The following PKHD1 variants were observed in gnomAD, a reference collection of about 807,000 sequenced individuals.
The protein encoded by PKHD1 is fibrocystin.
Under a neutral mutation model 412.0 loss-of-function variants are expected in PKHD1, and 291 were observed. That is an observed-to-expected ratio of 0.71 (90% CI 0.64 to 0.78). PKHD1 has a LOEUF of 0.78. Ranked by LOEUF, PKHD1 falls within the 30% of genes least tolerant of loss-of-function variation. The pLI, the probability that PKHD1 is intolerant of heterozygous loss-of-function variation, is 0.00. For missense variants in PKHD1, 4,825 were observed against 4,950.7 expected (o/e 0.97, Z 0.76); for synonymous variants, 1,777 against 1,821.5 (o/e 0.98, Z 0.62).
intron 49 of PKHD1, among the ~76,000 whole-genome samples, chr6:51,852,742 T>C (rs1439520331): frequency 6.6e-6 from 1 of 152,104 alleles, no homozygotes; most frequent in East Asian, 1.9e-4. Context: ...GTTTTTTTTT[T>C]TTTCTTTCCA....
At chr6:52,050,488 G>A (rs1178311745) in intron 21 of PKHD1, among the ~76,000 whole-genome samples, 193 bp from the exon 22 acceptor site, 1 of 152,210 alleles carries the variant, frequency 6.6e-6, no homozygotes, top group Non-Finnish European at 1.5e-5. Flanking sequence ...GTACAAAAAG[G>A]AAAGTGCAAG....
At position 51,831,207 on chromosome 6, in the gene PKHD1, A is replaced by G. The variant is rs373202451; in HGVS notation, c.8174-218T>C. On this transcript the variant is annotated intron_variant, in intron 51 of 66. Transcript: ENST00000371117. The stretch of plus-strand genomic sequence containing the variant: ...AAAAAAATCCCACTTTTGTTATTAT[A>G]CATCTGTTTTGCCTTATAATAAATA... Among the ~76,000 whole-genome samples, 100 of 152,270 alleles carry G rather than the reference A, an allele frequency of 6.6e-4. 1 individual carries two copies. The highest frequency in any genetic ancestry group is 2.0e-3 in the African/African-American group (83 of 41,574).
At chr6:51,796,816 G>T (rs1305606298) in intron 52 of PKHD1, among the ~76,000 whole-genome samples, 1 of 98,904 alleles carries the variant, frequency 1.0e-5, no homozygotes, top group African/African-American at 3.4e-5. Context: ...GTTTTGAATA[G>T]ATTTTTTTTT....
chr6:51,799,957 T>C (rs189344610), intron 52 of PKHD1, among the ~76,000 whole-genome samples: 115 of 152,268 alleles, frequency 7.6e-4, no homozygotes, highest in African/African-American at 2.5e-3. Context: ...TTCCACCCTA[T>C]CCTGTCAGTG....
intron 55 of PKHD1, among the ~76,000 whole-genome samples, chr6:51,771,293 G>C (rs1790079628): frequency 6.6e-6 from 1 of 151,924 alleles, no homozygotes; most frequent in African/African-American, 2.4e-5. Context: ...AACTTTTCAA[G>C]TGTTATGTCA....
intron 43 of PKHD1, among the ~76,000 whole-genome samples, chr6:51,891,141 T>C (rs1779046426): frequency 6.6e-6 from 1 of 152,176 alleles, no homozygotes; most frequent in Admixed American, 6.5e-5. Flanking sequence ...TTGTAGCTAT[T>C]CTCCATTTCT....
At chr6:51,788,152 T>C (rs1158993437) in intron 53 of PKHD1, among the ~76,000 whole-genome samples, 1 of 151,962 alleles carries the variant, frequency 6.6e-6, no homozygotes, top group African/African-American at 2.4e-5. Flanking sequence ...AACTGTACAA[T>C]GTAGAGATAT....
In PKHD1 at chr6:51,926,421, G is replaced by A. The variant is rs762402255; in HGVS notation, c.6121+7689C>T. On this transcript the variant is annotated intron_variant, in intron 37 of 66. Coordinates refer to ENST00000371117, the MANE Select transcript of PKHD1 (RefSeq NM_138694.4). The stretch of plus-strand genomic sequence containing the variant: ...CAATAAGTGCTCTTATTTTTTGTTC[G>A]AATTGGGTTTTCTGTCACTTGAAAC... Among the ~76,000 whole-genome samples the A allele has an allele frequency of 4.6e-5, 7 of 151,954 alleles. No individual in the cohort carries two copies. The South Asian group carries it at 1.3e-3, about 27-fold the overall frequency.
chr6:51,856,732 C>T (rs1773369442), intron 48 of PKHD1, among the ~76,000 whole-genome samples: 1 of 152,214 alleles, frequency 6.6e-6, no homozygotes, highest in South Asian at 2.1e-4. Context: ...CTAGTACTCA[C>T]TGCTATTACA....
intron 35 of PKHD1, chr6:51,975,649 A>G (rs1462894929): frequency 1.3e-5 from 2 of 151,600 alleles, no homozygotes; most frequent in African/African-American, 4.8e-5. Flanking sequence ...AAACAAAAAG[A>G]AAAAGAAAGT....
At chr6:51,852,005 G>A (rs776187684) in intron 49 of PKHD1, among the ~76,000 whole-genome samples, 1 of 151,898 alleles carries the variant, frequency 6.6e-6, no homozygotes, top group Non-Finnish European at 1.5e-5. Context: ...TTAGGGTATC[G>A]ATTTGAGATC....
At chr6:51,748,745 A>G (rs1424768233) in intron 57 of PKHD1, 80 bp from the exon 58 acceptor site, 1 of 1,134,352 alleles carries the variant, frequency 8.8e-7, no homozygotes, top group East Asian at 2.3e-5. Flanking sequence ...GGGCATTAAG[A>G]TATGAACATT....
intron 43 of PKHD1, among the ~76,000 whole-genome samples, chr6:51,890,459 T>C (rs968267507): frequency 1.3e-5 from 2 of 151,896 alleles, no homozygotes; most frequent in African/African-American, 4.8e-5. Context: ...AGTCAATGTA[T>C]CATGGACATT....
At chr6:52,022,319 C>A (rs1562152822) in intron 33 of PKHD1, among the ~76,000 whole-genome samples, 1 of 152,098 alleles carries the variant, frequency 6.6e-6, no homozygotes. Context: ...GGCTCTTTTG[C>A]CTATAATAAG....
intron 53 of PKHD1, among the ~76,000 whole-genome samples, chr6:51,777,447 A>G (rs1311531436): frequency 1.3e-5 from 2 of 152,072 alleles, no homozygotes; most frequent in East Asian, 1.9e-4. Flanking sequence ...TAATATGCAA[A>G]GGTGTGTTGC....
At chr6:51,769,251 T>C (rs1269626125) in intron 55 of PKHD1, among the ~76,000 whole-genome samples, 1 of 151,542 alleles carries the variant, frequency 6.6e-6, no homozygotes, top group African/African-American at 2.4e-5. Flanking sequence ...ATTCAACTGA[T>C]TGGAAGAACA....
chr6:51,705,974 C>T (rs933301746), intron 60 of PKHD1, among the ~76,000 whole-genome samples: 2 of 152,028 alleles, frequency 1.3e-5, no homozygotes, highest in Admixed American at 6.6e-5. Flanking sequence ...AAACTTAATA[C>T]TAATTTGGAT....
At chr6:51,747,617 C>T (rs924844929) in intron 58 of PKHD1, among the ~76,000 whole-genome samples, 170 bp downstream of exon 58, 1 of 152,110 alleles carries the variant, frequency 6.6e-6, no homozygotes, top group African/African-American at 2.4e-5. Context: ...AAAGCAGTGA[C>T]TTTTGTAAGA....
At chr6:51,619,541 G>A (rs940825072) in intron 66 of PKHD1, 21 bp from the exon 67 acceptor site, 14 of 1,592,656 alleles carry the variant, frequency 8.8e-6, no homozygotes, top group African/African-American at 1.3e-5. Context: ...AAGAAATAGG[G>A]GAAGAAATGG....
Sources: allele counts gnomAD v4.1 joint callset (sites outside exome capture counted in the v4.1 genomes callset), GRCh38; gene constraint gnomAD v4.1.1; transcripts MANE v1.5; gene names NCBI Gene and HGNC (gene_info 2026-07-23, HGNC 2026-07-21).